Variants in PCDH9 observed in about 807,000 individuals in gnomAD.
PCDH9 encodes the protein protocadherin-9.
In PCDH9, 24 loss-of-function variants were observed where a neutral mutation model predicts 70.6. That is an observed-to-expected ratio of 0.34 (90% confidence interval 0.25 to 0.48). PCDH9 has a LOEUF of 0.48. Among genes scored for constraint, PCDH9 ranks in the 20% least tolerant of loss-of-function variants. The pLI is 0.99. For synonymous variants in PCDH9, 562 were observed against 558.5 expected (o/e 1.01, Z -0.09); for missense variants, 1,281 against 1,503.6 (o/e 0.85, Z 2.45).
intron 3 of PCDH9, among the ~76,000 whole-genome samples, chr13:66,879,192 C>A (rs1403472416): frequency 6.6e-6 from 1 of 152,044 alleles, no homozygotes; most frequent in Admixed American, 6.6e-5. Context: ...TATATATATG[C>A]ACAATTATTA....
intron 3 of PCDH9, among the ~76,000 whole-genome samples, chr13:66,871,945 T>C (rs990975296): frequency 5.3e-5 from 8 of 152,090 alleles, no homozygotes; most frequent in African/African-American, 1.9e-4. Context: ...GAATACCTTC[T>C]CCAAGCTCCA....
intron 3 of PCDH9, among the ~76,000 whole-genome samples, chr13:66,662,816 G>A (rs1272812308): frequency 6.6e-6 from 1 of 152,114 alleles, no homozygotes; most frequent in African/African-American, 2.4e-5. Context: ...TTAAAACATA[G>A]TATGTTATAA....
chr13:67,062,984 G>A (rs1293026706), intron 2 of PCDH9, among the ~76,000 whole-genome samples: 1 of 152,096 alleles, frequency 6.6e-6, no homozygotes. Context: ...GATGGTATTA[G>A]TACTCTATAT....
chr13:66,486,505 A>G (rs1460987241), intron 4 of PCDH9, among the ~76,000 whole-genome samples: 2 of 151,964 alleles, frequency 1.3e-5, no homozygotes, highest in African/African-American at 4.8e-5. Context: ...GCATGATGGC[A>G]TATGCCTGTA....
chr13:66,835,139 A>G (rs1441044048), intron 3 of PCDH9, among the ~76,000 whole-genome samples: 1 of 152,216 alleles, frequency 6.6e-6, no homozygotes, highest in Non-Finnish European at 1.5e-5. Flanking sequence ...ACTGAAGACA[A>G]TCGTCAGCCA....
intron 3 of PCDH9, among the ~76,000 whole-genome samples, chr13:66,779,843 C>A (rs1412092190): frequency 0.057 from 1,723 of 30,288 alleles, 12 homozygotes; most frequent in South Asian, 0.1. Context: ...CTCTCTCTCT[C>A]TCTCTCTATA....
intron 2 of PCDH9, among the ~76,000 whole-genome samples, chr13:67,145,607 A>C (rs1031950315): frequency 6.6e-6 from 1 of 151,714 alleles, no homozygotes; most frequent in South Asian, 2.1e-4. Flanking sequence ...ATACAAAAAA[A>C]CCCATCTTTT....
chr13:66,844,715 G>T (rs558637906), intron 3 of PCDH9, among the ~76,000 whole-genome samples: 1 of 152,192 alleles, frequency 6.6e-6, no homozygotes, highest in Non-Finnish European at 1.5e-5. Context: ...GGTTGTTTTG[G>T]TTATTAGAGA....
chr13:66,812,039 A>G (rs2080518053), intron 3 of PCDH9, among the ~76,000 whole-genome samples: 1 of 152,126 alleles, frequency 6.6e-6, no homozygotes, highest in Non-Finnish European at 1.5e-5. Flanking sequence ...TAAACGTTGC[A>G]CCAAATTTGT....
At chr13:66,789,371 A>G (rs1472963414) in intron 3 of PCDH9, among the ~76,000 whole-genome samples, 1 of 152,144 alleles carries the variant, frequency 6.6e-6, no homozygotes, top group Non-Finnish European at 1.5e-5. Flanking sequence ...TTCTATTTCA[A>G]TTAGTTTCTG....
intron 4 of PCDH9, among the ~76,000 whole-genome samples, chr13:66,621,787 C>T: frequency 6.6e-6 from 1 of 152,286 alleles, no homozygotes; most frequent in Non-Finnish European, 1.5e-5. Flanking sequence ...AGAATGCTGG[C>T]AGTCCTCACA....
intron 4 of PCDH9, among the ~76,000 whole-genome samples, chr13:66,480,188 T>A (rs1958812488): frequency 1.3e-5 from 2 of 152,158 alleles, no homozygotes; most frequent in Non-Finnish European, 2.9e-5. Flanking sequence ...AAGATTTTAG[T>A]GGAGGAAGGA....
intron 4 of PCDH9, among the ~76,000 whole-genome samples, chr13:66,367,627 G>T (rs1182501453): frequency 6.6e-6 from 1 of 152,116 alleles, no homozygotes; most frequent in Non-Finnish European, 1.5e-5. Context: ...TGCTTCTGTA[G>T]AAAGAAATAA....
chr13:67,175,221 T>G (rs1594614148), intron 2 of PCDH9, among the ~76,000 whole-genome samples: 1 of 152,288 alleles, frequency 6.6e-6, no homozygotes, highest in African/African-American at 2.4e-5. Flanking sequence ...TATGATAATC[T>G]TCAGAGAAAG....
chr13:66,735,393 C>T (rs1210872287), intron 3 of PCDH9, among the ~76,000 whole-genome samples: 2 of 152,040 alleles, frequency 1.3e-5, no homozygotes, highest in African/African-American at 2.4e-5. Flanking sequence ...AGATTGGGTA[C>T]ACTTTGTTCA....
chr13:66,405,781 T>A (rs775966737), intron 4 of PCDH9, among the ~76,000 whole-genome samples: 2 of 152,152 alleles, frequency 1.3e-5, no homozygotes, highest in African/African-American at 4.8e-5. Flanking sequence ...AACCTTGGAG[T>A]CTTATAAATG....
chr13:67,045,574 C>A (rs1477086103), intron 2 of PCDH9, among the ~76,000 whole-genome samples: 3 of 151,242 alleles, frequency 2.0e-5, no homozygotes, highest in African/African-American at 7.3e-5. Context: ...AAAAAAAAAA[C>A]AGAAAAGGCT....
chr13:66,647,944 G>A (rs1566480063), intron 3 of PCDH9, among the ~76,000 whole-genome samples: 1 of 152,134 alleles, frequency 6.6e-6, no homozygotes, highest in African/African-American at 2.4e-5. Context: ...CTGGGGAAGA[G>A]ACGGCCAGGG....
chr13:67,203,556 A>G (rs1186648493), intron 2 of PCDH9: 4 of 152,150 alleles, frequency 2.6e-5, no homozygotes, highest in Admixed American at 2.6e-4. Flanking sequence ...GGGTCTGTAA[A>G]GGTGATACCA....
Sources: gnomAD v4.1 joint callset for allele counts (sites outside exome capture counted in the v4.1 genomes callset) on GRCh38, gnomAD v4.1.1 for gene constraint, MANE v1.5 for transcripts, NCBI Gene and HGNC (gene_info 2026-07-23, HGNC 2026-07-21) for gene names.